Variants in KLF12 observed in about 807,000 individuals in gnomAD.
KLF12 encodes the protein KLF transcription factor 12, also known as Krueppel-like factor 12.
A neutral mutation model predicts 37.8 loss-of-function variants in KLF12; 9 were observed. The observed-to-expected ratio is 0.24, with a 90% CI of 0.14 to 0.42. The LOEUF (loss-of-function observed/expected upper bound fraction) is 0.42. Ranked by LOEUF, KLF12 falls within the 10% of genes least tolerant of loss-of-function variation. KLF12 has a pLI of 1.00. For synonymous variants in KLF12, 208 were observed against 202.1 expected (o/e 1.03, Z -0.25); for missense variants, 411 against 516.0 (o/e 0.80, Z 1.97).
intron 2 of KLF12, among the ~76,000 whole-genome samples, chr13:73,976,584 T>C (rs551052973): frequency 1.1e-4 from 16 of 152,304 alleles, no homozygotes; most frequent in East Asian, 1.9e-4. Flanking sequence ...ATTTTCTATA[T>C]AGAAGCCCAT....
At chr13:74,165,564 G>A in the KLF12 span, among the ~76,000 whole-genome samples, 2 of 152,140 alleles carry the variant, frequency 1.3e-5, no homozygotes, top group African/African-American at 2.4e-5. Context: ...CTCCCAGAGT[G>A]CTGGAATTAC....
At chr13:73,989,467 C>T (rs2138233063) in intron 2 of KLF12, among the ~76,000 whole-genome samples, 1 of 152,320 alleles carries the variant, frequency 6.6e-6, no homozygotes, top group Non-Finnish European at 1.5e-5. Context: ...ACAGGCACTG[C>T]CTTTTGTGGA....
At chr13:74,162,860 C>T in the KLF12 span, among the ~76,000 whole-genome samples, 1 of 151,606 alleles carries the variant, frequency 6.6e-6, no homozygotes. Flanking sequence ...AAAGTGTATG[C>T]AAGAAAAGGG....
chr13:73,854,753 C>T (rs1055364911), intron 3 of KLF12, among the ~76,000 whole-genome samples: 1 of 152,160 alleles, frequency 6.6e-6, no homozygotes, highest in South Asian at 2.1e-4. Flanking sequence ...CTCCACATCA[C>T]TTATAACATC....
chr13:73,795,762 C>G (rs2138300786), intron 5 of KLF12, among the ~76,000 whole-genome samples: 1 of 152,186 alleles, frequency 6.6e-6, no homozygotes, highest in African/African-American at 2.4e-5. Flanking sequence ...AAAAGAAAAG[C>G]TCCTTGTTTT....
intron 3 of KLF12, among the ~76,000 whole-genome samples, chr13:73,908,811 T>G (rs1314851120): frequency 6.6e-6 from 1 of 152,112 alleles, no homozygotes; most frequent in East Asian, 1.9e-4. Context: ...CACTCACCAC[T>G]GATATTTAGT....
intron 1 of KLF12, among the ~76,000 whole-genome samples, chr13:74,092,791 A>C (rs1875752332): frequency 6.6e-6 from 1 of 152,220 alleles, no homozygotes; most frequent in South Asian, 2.1e-4. Flanking sequence ...AATAACTTAG[A>C]CATTTTTCCT....
At chr13:74,155,765 T>G in the KLF12 span, among the ~76,000 whole-genome samples, 6 of 152,226 alleles carry the variant, frequency 3.9e-5, no homozygotes, top group Non-Finnish European at 7.3e-5. Flanking sequence ...AATCTTCCGC[T>G]GGTGATATAT....
chr13:74,296,911 A>G, the KLF12 span, among the ~76,000 whole-genome samples: 101,167 of 152,118 alleles, frequency 0.67, 37,918 homozygotes, highest in Non-Finnish European at 0.84. Context: ...TCTGGAGAGT[A>G]ATTGTATAGC....
At chr13:73,867,300 G>GA (rs753608066) in intron 3 of KLF12, among the ~76,000 whole-genome samples, 2 of 151,542 alleles carry the variant, frequency 1.3e-5, no homozygotes, top group Non-Finnish European at 1.5e-5. Flanking sequence ...TCATACTAGG[G>GA]AAAAAAGATG....
chr13:73,994,863 G>A (rs1251876772), intron 2 of KLF12, 127 bp downstream of exon 2: 2 of 669,108 alleles, frequency 3.0e-6, no homozygotes, highest in African/African-American at 3.7e-5. Context: ...AGATAGATAT[G>A]CACATGTAAG....
At chr13:73,850,081 A>G (rs1885255613) in intron 3 of KLF12, among the ~76,000 whole-genome samples, 1 of 152,188 alleles carries the variant, frequency 6.6e-6, no homozygotes, top group African/African-American at 2.4e-5. Context: ...TAATTGCACA[A>G]ATACACACAA....
chr13:73,990,119 G>A (rs920740072), intron 2 of KLF12, among the ~76,000 whole-genome samples: 1 of 152,086 alleles, frequency 6.6e-6, no homozygotes, highest in Non-Finnish European at 1.5e-5. Flanking sequence ...AGCACACTGA[G>A]TGAAATTAAA....
chr13:74,152,828 A>G, the KLF12 span, among the ~76,000 whole-genome samples: 24 of 151,624 alleles, frequency 1.6e-4, no homozygotes, highest in Non-Finnish European at 2.9e-4. Context: ...AGGCTGCAGT[A>G]AGCCATGACT....
At chr13:74,090,481 C>A (rs897836343) in intron 1 of KLF12, among the ~76,000 whole-genome samples, 1 of 152,130 alleles carries the variant, frequency 6.6e-6, no homozygotes, top group Non-Finnish European at 1.5e-5. Flanking sequence ...TAATCCCTAC[C>A]AGAATCATAA....
intron 3 of KLF12, among the ~76,000 whole-genome samples, chr13:73,917,160 G>A (rs1450610507): frequency 1.3e-5 from 2 of 152,124 alleles, no homozygotes; most frequent in African/African-American, 4.8e-5. Context: ...GCCTTAAAAG[G>A]AAACATTCCA....
chr13:73,707,340 T>C (rs1875030103), intron 7 of KLF12, among the ~76,000 whole-genome samples: 1 of 152,176 alleles, frequency 6.6e-6, no homozygotes, highest in African/African-American at 2.4e-5. Flanking sequence ...TTCACACAAG[T>C]AGTTTGTCTA....
chr13:74,042,030 G>A (rs1893418242), intron 1 of KLF12, among the ~76,000 whole-genome samples: 2 of 152,264 alleles, frequency 1.3e-5, no homozygotes, highest in South Asian at 2.1e-4. Context: ...TCGGCTGGGT[G>A]TAGTGGCTCA....
the KLF12 span, among the ~76,000 whole-genome samples, chr13:74,190,760 ATAT>A: frequency 2.0e-5 from 3 of 152,156 alleles, no homozygotes; most frequent in East Asian, 5.8e-4. Flanking sequence ...TATAAAGTAG[ATAT>A]TATTATTTAC....
Sources: allele counts gnomAD v4.1 joint callset (sites outside exome capture counted in the v4.1 genomes callset), GRCh38; gene constraint gnomAD v4.1.1; transcripts MANE v1.5; gene names NCBI Gene and HGNC (gene_info 2026-07-23, HGNC 2026-07-21).